The following GLIS1 variants were observed in gnomAD, a reference collection of about 807,000 sequenced individuals.
GLIS1 encodes zinc finger protein GLIS1.
GLIS1 carries 24 observed loss-of-function variants against 63.8 expected under a neutral mutation model. That is an observed-to-expected ratio of 0.38 (90% CI 0.27 to 0.53). The LOEUF (loss-of-function observed/expected upper bound fraction) is 0.53. Ranked by LOEUF, GLIS1 falls within the 20% of genes least tolerant of loss-of-function variation. The pLI is 0.85. For missense variants in GLIS1, 1,036 were observed against 1,074.1 expected, an observed-to-expected ratio of 0.96 and a Z score of 0.50; for synonymous variants, 450 against 482.5, an observed-to-expected ratio of 0.93 and a Z score of 0.88.
chr1:53,507,651 C>G (rs750715101), intron 10 of GLIS1, among the ~76,000 whole-genome samples: 20 of 152,216 alleles, frequency 1.3e-4, no homozygotes, highest in East Asian at 7.7e-4. Flanking sequence ...ATTTCATGCT[C>G]TGTGTGTGAT....
chr1:53,524,789 C>T lies in GLIS1; in HGVS notation c.1581G>A (p.Gln527=). ...AGGGCTGGCTTACCTTCTTACGCAC[C>T]TGCTGCTCTTTGGCTGAATGGGCCT... ...HVKAHSAKEQ[Q]VRKKLHAGPD... The change falls in exon 6 of 11, where the codon CAG becomes CAA. Residue 527 remains glutamine (Q), a synonymous_variant. Coordinates refer to ENST00000628545, the MANE Select transcript of GLIS1 (RefSeq NM_001367484.1). The T allele has an allele frequency of 6.2e-7, 1 of 1,613,186 alleles. No homozygotes were observed.
At chr1:53,685,579 T>C (rs1646327617) in intron 2 of GLIS1, among the ~76,000 whole-genome samples, 2 of 152,200 alleles carry the variant, frequency 1.3e-5, no homozygotes, top group Non-Finnish European at 1.5e-5. Context: ...TACCCTGAGT[T>C]GCAGAGATCC....
chr1:53,696,099 C>T (rs918856124), intron 2 of GLIS1, among the ~76,000 whole-genome samples: 1 of 152,244 alleles, frequency 6.6e-6, no homozygotes, highest in African/African-American at 2.4e-5. Context: ...CAAGGTGGGA[C>T]AATTCTGAAG....
At chr1:53,571,368 C>G (rs960155333) in intron 4 of GLIS1, among the ~76,000 whole-genome samples, 3 of 152,176 alleles carry the variant, frequency 2.0e-5, no homozygotes, top group African/African-American at 7.2e-5. Context: ...AATTTCATTT[C>G]TAGGCACACA....
At chr1:53,652,148 C>T (rs573543654) in intron 2 of GLIS1, among the ~76,000 whole-genome samples, 38 of 152,298 alleles carry the variant, frequency 2.5e-4, no homozygotes, top group Non-Finnish European at 4.6e-4. Context: ...ATCTGTAAAA[C>T]GGGCTGTTCT....
At chr1:53,652,281 T>A (rs575632873) in intron 2 of GLIS1, among the ~76,000 whole-genome samples, 1 of 152,264 alleles carries the variant, frequency 6.6e-6, no homozygotes, top group Admixed American at 6.5e-5. Context: ...GATGTGGAGA[T>A]GAGTTGGCCG....
chr1:53,529,877 G>A lies in GLIS1; in HGVS notation c.1396C>T (p.Pro466Ser). ...CAACCCGGGTGCTGGCACAGGTACG[G>A]CTTCTCGCCCGTGTGGCTCCTCAGG... is the stretch of plus-strand genomic sequence containing the variant. ...IHLRSHTGEK[P>S]YLCQHPGCQK... The change falls in exon 5 of 11, where the codon CCG becomes TCG. Residue 466 changes from proline (P) to serine (S), a missense_variant. By Grantham distance (74) the Pro-to-Ser change is moderately conservative. Around this residue, in one of 3 missense-constraint regions of GLIS1, gnomAD observed 44 missense variants for 79.3 expected, o/e 0.55. Transcript: ENST00000628545. 6.2e-7 allele frequency: 1 copy of A among 1,613,914 alleles called. No homozygotes were observed. The highest frequency in any genetic ancestry group is 2.2e-5 in the East Asian group (1 of 44,872).
At position 53,639,873 on chromosome 1, in the gene GLIS1, C is replaced by T. The variant is rs1645767459; in HGVS notation, c.260-39595G>A. On this transcript the variant is annotated intron_variant, in intron 2 of 10. Coordinates refer to ENST00000628545, the MANE Select transcript of GLIS1 (RefSeq NM_001367484.1). The surrounding 1 kb of genome is among the most constrained non-coding windows in gnomAD (Gnocchi z 4.6). The stretch of plus-strand genomic sequence containing the variant: ...GGCAAATGTGGATGTTGTTTAAAAG[C>T]TGTGGCTTTGCTGCTAATAGTCCTG... Among the ~76,000 whole-genome samples, 1 of 152,190 alleles carries T rather than the reference C, an allele frequency of 6.6e-6. No homozygotes were observed. The highest frequency in any genetic ancestry group is 6.5e-5 in the Admixed American group (1 of 15,278).
At chr1:53,602,244 A>G (rs1645326236) in intron 2 of GLIS1, among the ~76,000 whole-genome samples, 2 of 152,176 alleles carry the variant, frequency 1.3e-5, no homozygotes, top group South Asian at 4.1e-4. Context: ...CGAGTTAATG[A>G]GAGCAGGCTG....
chr1:53,580,572 G>A (rs1645075337), intron 4 of GLIS1, among the ~76,000 whole-genome samples: 1 of 152,238 alleles, frequency 6.6e-6, no homozygotes, highest in African/African-American at 2.4e-5. Flanking sequence ...AGGAGTCATC[G>A]CTGATGCTGA....
chr1:53,660,629 G>A (rs1033688430), intron 2 of GLIS1, among the ~76,000 whole-genome samples: 2 of 152,228 alleles, frequency 1.3e-5, no homozygotes, highest in Admixed American at 1.3e-4. Flanking sequence ...AAAGGGGAGA[G>A]TCAGGGTCAG....
intron 4 of GLIS1, among the ~76,000 whole-genome samples, chr1:53,586,464 T>G (rs189984500): frequency 0.014 from 2,109 of 152,314 alleles, 45 homozygotes; most frequent in African/African-American, 0.048. Flanking sequence ...CATTCGTGAC[T>G]GAACAGCCAC....
At chr1:53,515,372 G>A (rs921637587) in intron 7 of GLIS1, among the ~76,000 whole-genome samples, 2 of 152,010 alleles carry the variant, frequency 1.3e-5, no homozygotes, top group Non-Finnish European at 1.5e-5. Context: ...GGTGTCCACT[G>A]TGAAGGCTTC....
At chr1:53,538,915 C>A (rs1018796699) in intron 4 of GLIS1, among the ~76,000 whole-genome samples, 1 of 152,066 alleles carries the variant, frequency 6.6e-6, no homozygotes, top group African/African-American at 2.4e-5. Context: ...AGAGAGTCAC[C>A]CTTCCAGGGC....
chr1:53,732,775 C>T (rs1311545061), intron 2 of GLIS1, among the ~76,000 whole-genome samples: 1 of 147,824 alleles, frequency 6.8e-6, no homozygotes, highest in Non-Finnish European at 1.5e-5. Context: ...TCTCTAGGTC[C>T]AAAATAATTG....
chr1:53,723,976 G>A (rs1323549644), intron 2 of GLIS1, among the ~76,000 whole-genome samples: 3 of 152,198 alleles, frequency 2.0e-5, no homozygotes, highest in Non-Finnish European at 4.4e-5. Flanking sequence ...GGAACCAGCA[G>A]AAGCCACCCA....
chr1:53,688,780 T>C (rs548921240), intron 2 of GLIS1: 1 of 152,320 alleles, frequency 6.6e-6, no homozygotes, highest in South Asian at 2.1e-4. Context: ...CCAAAAAACC[T>C]GCCAGAAAAA....
chr1:53,728,458 A>T (rs950105381), intron 2 of GLIS1, among the ~76,000 whole-genome samples: 3 of 152,152 alleles, frequency 2.0e-5, no homozygotes, highest in African/African-American at 2.4e-5. Context: ...TATTATCCTC[A>T]TGTCACAGAT....
chr1:53,512,953 C>A (rs1036218530), intron 8 of GLIS1, among the ~76,000 whole-genome samples: 1 of 152,170 alleles, frequency 6.6e-6, no homozygotes, highest in Non-Finnish European at 1.5e-5. Flanking sequence ...CAGTGTCAGG[C>A]GTGTGTACGG....
Sources: gnomAD v4.1 joint callset for allele counts (sites outside exome capture counted in the v4.1 genomes callset) on GRCh38, gnomAD v4.1.1 for gene constraint, gnomAD v4.1.1 regional missense constraint, Gnocchi (gnomAD v3.1) non-coding constraint, MANE v1.5 for transcripts, NCBI Gene and HGNC (gene_info 2026-07-23, HGNC 2026-07-21) for gene names.